MICU3: variants seen among roughly 807,000 people sequenced by gnomAD.
MICU3 encodes the protein mitochondrial calcium uptake 3, also known as calcium uptake protein 3, mitochondrial.
Under a neutral mutation model 66.5 loss-of-function variants are expected in MICU3, and 62 were observed. The ratio of observed to expected loss-of-function variants is 0.93; its 90% CI spans 0.76 to 1.15. The LOEUF (loss-of-function observed/expected upper bound fraction) is 1.15. MICU3 is among the 50% of genes most tolerant of loss of function. The pLI, the probability that MICU3 is intolerant of heterozygous loss-of-function variation, is 0.00. For synonymous variants in MICU3, 308 were observed against 240.7 expected (o/e 1.28, Z -2.59); for missense variants, 779 against 664.4 (o/e 1.17, Z -1.90).
chr8:17,057,097 T>C (rs1290876287), intron 1 of MICU3, among the ~76,000 whole-genome samples: 2 of 152,196 alleles, frequency 1.3e-5, no homozygotes, highest in East Asian at 1.9e-4. Flanking sequence ...TAAATAACCA[T>C]TGAATGTGTT....
chr8:17,095,032 T>G (rs760645682), intron 8 of MICU3, among the ~76,000 whole-genome samples: 31 of 152,190 alleles, frequency 2.0e-4, no homozygotes, highest in Non-Finnish European at 4.1e-4. Context: ...TCTAAGAGTT[T>G]TATTTGACTA....
At chr8:17,115,799 T>G (rs1256317013) in intron 12 of MICU3, among the ~76,000 whole-genome samples, 1 of 151,790 alleles carries the variant, frequency 6.6e-6, no homozygotes, top group African/African-American at 2.4e-5. Flanking sequence ...GTGCAGAGTT[T>G]CTTGAGATCC....
intron 10 of MICU3, 42 bp from the exon 11 acceptor site, chr8:17,105,371 C>A: frequency 8.0e-7 from 1 of 1,248,684 alleles, no homozygotes; most frequent in African/African-American, 1.5e-5. Flanking sequence ...TACGATTACT[C>A]TTTCTTTATC....
intron 13 of MICU3, among the ~76,000 whole-genome samples, chr8:17,117,928 G>A (rs1280162338): frequency 6.6e-6 from 1 of 152,254 alleles, no homozygotes; most frequent in Admixed American, 6.5e-5. Flanking sequence ...CATTTTAAAA[G>A]AGAAAAAGTT....
At chr8:17,049,911 T>C (rs1815772182) in intron 1 of MICU3, among the ~76,000 whole-genome samples, 1 of 152,252 alleles carries the variant, frequency 6.6e-6, no homozygotes, top group Non-Finnish European at 1.5e-5. Flanking sequence ...TACTCATTTT[T>C]CTACAACCTG....
At chr8:17,079,315 G>A (rs1468056952) in intron 4 of MICU3, among the ~76,000 whole-genome samples, 1 of 152,024 alleles carries the variant, frequency 6.6e-6, no homozygotes, top group Non-Finnish European at 1.5e-5. Flanking sequence ...TTGATTTTAA[G>A]TATTTTAAAT....
intron 1 of MICU3, among the ~76,000 whole-genome samples, chr8:17,036,584 A>T: frequency 6.6e-6 from 1 of 152,150 alleles, no homozygotes; most frequent in Non-Finnish European, 1.5e-5. Context: ...CAGAGTTTCG[A>T]CACACAGGTT....
chr8:17,077,526 C>T (rs560805430), intron 3 of MICU3, among the ~76,000 whole-genome samples: 13 of 152,204 alleles, frequency 8.5e-5, no homozygotes, highest in Middle Eastern at 3.4e-3. Flanking sequence ...TATAACCTCC[C>T]GTTATTCAAC....
In MICU3 at chr8:17,114,140, C is replaced by A; in HGVS notation, c.1305C>A (p.Asn435Lys). The change falls in exon 12 of 15, where the codon AAC (asparagine) becomes AAA (lysine). Residue 435 changes from asparagine to lysine, a missense_variant. Transcript: ENST00000318063. The stretch of plus-strand genomic sequence containing the variant: ...GGTCATTTTTCCAGTTTTTAAACAA[C>A]CTAGAAGACTTTGCAATAGCCCTGA... Reference protein sequence around the residue: ...EFRSFFQFLNNLEDFAIALNM... With the variant: ...EFRSFFQFLNKLEDFAIALNM... 6.2e-7 allele frequency: 1 copy of A among 1,612,838 alleles called. No homozygotes were observed. Among genetic ancestry groups the A allele is most frequent in the South Asian group, 1.1e-5 (1 of 90,778 alleles).
At chr8:17,098,327 CAAAACAAA>C in intron 8 of MICU3, 123 bp from the exon 9 acceptor site, 1 of 746,064 alleles carries the variant, frequency 1.3e-6, no homozygotes, top group Non-Finnish European at 2.4e-6. Flanking sequence ...CAGCAGAAAA[CAAAACAAA>C]CAAACAAAAA....
At chr8:17,050,451 T>G (rs1364457649) in intron 1 of MICU3, among the ~76,000 whole-genome samples, 1 of 152,104 alleles carries the variant, frequency 6.6e-6, no homozygotes, top group Non-Finnish European at 1.5e-5. Flanking sequence ...TCCATTTTTA[T>G]TGATATTTTT....
At chr8:17,061,384 A>C (rs530645287) in intron 1 of MICU3, among the ~76,000 whole-genome samples, 4 of 151,986 alleles carry the variant, frequency 2.6e-5, no homozygotes, top group Non-Finnish European at 5.9e-5. Context: ...GGTAGTGGCA[A>C]GAGATGAGAA....
intron 7 of MICU3, among the ~76,000 whole-genome samples, chr8:17,087,388 G>A (rs1415635955): frequency 6.6e-6 from 1 of 151,958 alleles, no homozygotes; most frequent in Non-Finnish European, 1.5e-5. Context: ...AGAGAATTTA[G>A]TGGTAATATA....
chr8:17,039,318 G>A (rs190773883), intron 1 of MICU3, among the ~76,000 whole-genome samples: 15 of 152,246 alleles, frequency 9.9e-5, no homozygotes, highest in African/African-American at 3.1e-4. Flanking sequence ...CAGTGTATCC[G>A]AAGTATGCCT....
intron 1 of MICU3, among the ~76,000 whole-genome samples, chr8:17,052,817 A>G (rs111486032): frequency 1.3e-5 from 2 of 152,218 alleles, no homozygotes; most frequent in African/African-American, 4.8e-5. Context: ...GCCTGAAGCC[A>G]TTTGGGAAAA....
intron 4 of MICU3, among the ~76,000 whole-genome samples, chr8:17,080,803 G>C (rs923918084): frequency 2.0e-5 from 3 of 152,076 alleles, no homozygotes; most frequent in African/African-American, 7.2e-5. Flanking sequence ...AAAGAAGACA[G>C]CCTCAAAGAA....
chr8:17,048,871 A>G (rs544675756), intron 1 of MICU3, among the ~76,000 whole-genome samples: 36 of 152,230 alleles, frequency 2.4e-4, no homozygotes, highest in Admixed American at 5.2e-4. Flanking sequence ...CTCCCACCCC[A>G]GCCTCCCAGA....
In MICU3 at chr8:17,118,763, T is replaced by C. The variant is rs777337414; in HGVS notation, c.1581T>C (p.Leu527=). ...PTFKSCLKKE[L]HSR ...TCAAATCCTGCCTGAAGAAAGAACT[T>C]CACAGCAGATAAGTATGTTAGCTTC... The change falls in exon 14 of 15, where the codon CTT becomes CTC. Residue 527 remains leucine (L), a synonymous_variant. Coordinates refer to ENST00000318063, the MANE Select transcript of MICU3 (RefSeq NM_181723.3). 3.1e-6 allele frequency: 5 copies of C among 1,607,826 alleles called. No individual in the cohort carries two copies. In the Admixed American group the frequency reaches 5.0e-5, roughly 16 times the overall value.
intron 11 of MICU3, among the ~76,000 whole-genome samples, chr8:17,108,647 C>A (rs888679244): frequency 1.3e-5 from 2 of 152,172 alleles, no homozygotes; most frequent in African/African-American, 4.8e-5. Flanking sequence ...TCCACTGCTA[C>A]CATCCAAGAA....
Sources: gnomAD v4.1 joint callset for allele counts (sites outside exome capture counted in the v4.1 genomes callset) on GRCh38, gnomAD v4.1.1 for gene constraint, MANE v1.5 for transcripts, NCBI Gene and HGNC (gene_info 2026-07-23, HGNC 2026-07-21) for gene names.